Variants in SEMA6D observed in about 807,000 individuals in gnomAD.
SEMA6D encodes semaphorin 6D.
In SEMA6D, 35 loss-of-function variants were observed where a neutral mutation model predicts 106.6. That is an observed-to-expected ratio of 0.33 (90% CI 0.25 to 0.44). SEMA6D has a LOEUF of 0.44. SEMA6D is among the 20% of genes least tolerant of loss of function. The pLI is 1.00. For missense variants in SEMA6D, 1,185 were observed against 1,345.9 expected (o/e 0.88, Z 1.87); for synonymous variants, 499 against 487.7 (o/e 1.02, Z -0.31).
At position 47,645,531 on chromosome 15, in the gene SEMA6D, C is replaced by G. The variant is rs376975076; in HGVS notation, c.-55+44635C>G. Among the ~76,000 whole-genome samples the G allele has an allele frequency of 2.8e-4, 43 of 151,872 alleles. No homozygotes were observed. In the East Asian group the frequency reaches 4.9e-3, roughly 17 times the overall value. ...TTTTTTTTCTTCTTCTTCTTCTTCT[C>G]ACTTACACAACTCAACACAACACTT... On this transcript the variant is annotated intron_variant, in intron 4 of 19. Transcript: ENST00000558014.
intron 1 of SEMA6D, among the ~76,000 whole-genome samples, chr15:47,276,914 T>C (rs545181922): frequency 2.0e-5 from 3 of 152,290 alleles, no homozygotes; most frequent in Admixed American, 6.5e-5. Flanking sequence ...CATTCATGAT[T>C]CATGGGAGGA....
At chr15:47,643,912 C>T (rs1182677222) in intron 4 of SEMA6D, among the ~76,000 whole-genome samples, 1 of 152,130 alleles carries the variant, frequency 6.6e-6, no homozygotes, top group Non-Finnish European at 1.5e-5. Flanking sequence ...TTATTCTCCT[C>T]TCCCACCCTT....
chr15:47,344,293 A>C (rs1293863536), intron 1 of SEMA6D, among the ~76,000 whole-genome samples: 1 of 152,192 alleles, frequency 6.6e-6, no homozygotes, highest in Non-Finnish European at 1.5e-5. Context: ...ATATCTGAGG[A>C]CTTCTGCTTC....
chr15:47,463,427 A>G (rs1013388160), intron 2 of SEMA6D, among the ~76,000 whole-genome samples: 1 of 152,170 alleles, frequency 6.6e-6, no homozygotes, highest in African/African-American at 2.4e-5. Context: ...TGTCTCCTTT[A>G]AATCTTAACA....
At chr15:47,766,056 C>A (rs778787721) in intron 14 of SEMA6D, 47 bp downstream of exon 14, 3 of 1,612,508 alleles carry the variant, frequency 1.9e-6, no homozygotes, top group African/African-American at 2.7e-5. Context: ...AGTATCGAAA[C>A]CTTTGTTGAT....
intron 1 of SEMA6D, among the ~76,000 whole-genome samples, chr15:47,408,011 C>T (rs2040654692): frequency 6.6e-6 from 1 of 152,086 alleles, no homozygotes; most frequent in Admixed American, 6.5e-5. Context: ...AGAAGGAGGG[C>T]AGTAGATAGG....
At chr15:47,602,189 A>G (rs1290423339) in intron 4 of SEMA6D, among the ~76,000 whole-genome samples, 2 of 152,164 alleles carry the variant, frequency 1.3e-5, no homozygotes, top group Non-Finnish European at 2.9e-5. Flanking sequence ...ACAGTAACAA[A>G]CAGGATTTGT....
chr15:47,749,443 T>C (rs1264000430), intron 1 of SEMA6D, among the ~76,000 whole-genome samples: 2 of 152,100 alleles, frequency 1.3e-5, no homozygotes, highest in Non-Finnish European at 2.9e-5. Flanking sequence ...GGTTATCTCA[T>C]TCAGTAATCG....
chr15:47,506,130 G>A (rs1233281788), intron 3 of SEMA6D, among the ~76,000 whole-genome samples: 1 of 152,110 alleles, frequency 6.6e-6, no homozygotes, highest in African/African-American at 2.4e-5. Context: ...CCAGGGCCAG[G>A]CCTCTCAGAG....
chr15:47,443,133 G>T (rs1431891804), intron 2 of SEMA6D, among the ~76,000 whole-genome samples: 1 of 152,108 alleles, frequency 6.6e-6, no homozygotes, highest in Admixed American at 6.6e-5. Context: ...TGTAATGATA[G>T]ATATGTCACC....
intron 6 of SEMA6D, 69 bp downstream of exon 6, chr15:47,761,500 T>C (rs2082059309): frequency 2.2e-6 from 3 of 1,363,382 alleles, no homozygotes; most frequent in Non-Finnish European, 1.0e-6. Context: ...GCTGTTAGAG[T>C]TGAAATCTTT....
intron 3 of SEMA6D, among the ~76,000 whole-genome samples, chr15:47,576,209 A>G (rs573759584): frequency 1.3e-5 from 2 of 152,216 alleles, no homozygotes; most frequent in Non-Finnish European, 1.5e-5. Context: ...TTTAAAATGC[A>G]GAGTGATGGA....
intron 1 of SEMA6D, among the ~76,000 whole-genome samples, chr15:47,351,244 A>C (rs1326753075): frequency 6.6e-6 from 1 of 152,188 alleles, no homozygotes; most frequent in Non-Finnish European, 1.5e-5. Flanking sequence ...TAAGTATGCC[A>C]TGATCATCTT....
At chr15:47,711,927 ACAAT>A (rs976380895) in intron 4 of SEMA6D, among the ~76,000 whole-genome samples, 3 of 152,174 alleles carry the variant, frequency 2.0e-5, no homozygotes, top group Non-Finnish European at 4.4e-5. Flanking sequence ...TGGGTGTAAA[ACAAT>A]CAATGCTTAA....
chr15:47,416,265 C>G (rs1006891871), intron 2 of SEMA6D, among the ~76,000 whole-genome samples: 1 of 152,102 alleles, frequency 6.6e-6, no homozygotes, highest in Non-Finnish European at 1.5e-5. Flanking sequence ...ACCCTCATTT[C>G]TACCAATTTG....
At chr15:47,432,795 T>C (rs1045552589) in intron 2 of SEMA6D, among the ~76,000 whole-genome samples, 1 of 152,126 alleles carries the variant, frequency 6.6e-6, no homozygotes, top group African/African-American at 2.4e-5. Flanking sequence ...GGAGAACCAC[T>C]GTGTGGAAAA....
chr15:47,543,753 T>C (rs916317392), intron 3 of SEMA6D, among the ~76,000 whole-genome samples: 4 of 152,122 alleles, frequency 2.6e-5, no homozygotes, highest in African/African-American at 9.7e-5. Context: ...ACTATAACTG[T>C]TGGAGTGTTA....
chr15:47,570,678 T>A (rs2046357502), intron 3 of SEMA6D, among the ~76,000 whole-genome samples: 1 of 152,128 alleles, frequency 6.6e-6, no homozygotes, highest in South Asian at 2.1e-4. Context: ...GTCAGTGAGA[T>A]CTTCCCTCCA....
intron 1 of SEMA6D, among the ~76,000 whole-genome samples, chr15:47,304,268 A>C (rs1216173204): frequency 1.3e-5 from 2 of 151,782 alleles, no homozygotes; most frequent in African/African-American, 4.8e-5. Flanking sequence ...ACATAGTGAA[A>C]CCCTATCTCT....
Sources: gnomAD v4.1 joint callset for allele counts (sites outside exome capture counted in the v4.1 genomes callset) on GRCh38, gnomAD v4.1.1 for gene constraint, MANE v1.5 for transcripts, NCBI Gene and HGNC (gene_info 2026-07-23, HGNC 2026-07-21) for gene names.